The following PRKN variants were observed in gnomAD, a reference collection of about 807,000 sequenced individuals.
PRKN encodes the protein parkin RBR E3 ubiquitin protein ligase.
Under a neutral mutation model 59.5 loss-of-function variants are expected in PRKN, and 56 were observed. The ratio of observed to expected loss-of-function variants is 0.94; its 90% CI spans 0.76 to 1.18. The LOEUF is 1.18. Among genes scored for constraint, PRKN ranks in the 50% most tolerant of loss-of-function variants. The pLI, the probability that PRKN is intolerant of heterozygous loss-of-function variation, is 0.00. For synonymous variants in PRKN, 250 were observed against 222.1 expected (o/e 1.13, Z -1.12); for missense variants, 657 against 596.4 (o/e 1.10, Z -1.06).
chr6:161,637,147 G>C (rs926333984), intron 7 of PRKN, among the ~76,000 whole-genome samples: 3 of 152,210 alleles, frequency 2.0e-5, no homozygotes, highest in African/African-American at 7.2e-5. Flanking sequence ...GAAATTGGAA[G>C]TGTGTCTGCT....
chr6:161,901,248 A>G (rs1777906361), intron 6 of PRKN, among the ~76,000 whole-genome samples: 1 of 152,072 alleles, frequency 6.6e-6, no homozygotes, highest in Admixed American at 6.6e-5. Flanking sequence ...TAATCAATAA[A>G]TTTAATAAGA....
chr6:162,302,246 T>C (rs1389328615), intron 2 of PRKN, among the ~76,000 whole-genome samples: 1 of 152,134 alleles, frequency 6.6e-6, no homozygotes, highest in Non-Finnish European at 1.5e-5. Flanking sequence ...CCAAGGTAGA[T>C]GCTCAACCTT....
At chr6:162,556,342 GGTGTGTGTGTGTGTGTGTGTGTGT>G (rs202002846) in intron 1 of PRKN, among the ~76,000 whole-genome samples, 4 of 57,306 alleles carry the variant, frequency 7.0e-5, no homozygotes, top group South Asian at 9.9e-4. Context: ...CTACTCAGCT[GGTGTGTGTGTGTGTGTGTGTGTGT>G]GTGTGTGTGT....
At chr6:161,404,472 G>T (rs1045012365) in intron 9 of PRKN, among the ~76,000 whole-genome samples, 1 of 152,126 alleles carries the variant, frequency 6.6e-6, no homozygotes, top group African/African-American at 2.4e-5. Context: ...TCATCAAGAC[G>T]CAAACAAGAC....
intron 6 of PRKN, among the ~76,000 whole-genome samples, chr6:161,917,679 T>C (rs1316394813): frequency 6.6e-6 from 1 of 152,214 alleles, no homozygotes; most frequent in Non-Finnish European, 1.5e-5. Flanking sequence ...TTACAACATT[T>C]AGGCACACAA....
At chr6:161,782,329 A>G (rs1044081556) in intron 7 of PRKN, among the ~76,000 whole-genome samples, 13 of 152,278 alleles carry the variant, frequency 8.5e-5, no homozygotes, top group African/African-American at 3.1e-4. Flanking sequence ...TGTATAATCT[A>G]CTTTCTACTT....
At chr6:162,361,772 T>C (rs1402569750) in intron 2 of PRKN, among the ~76,000 whole-genome samples, 3 of 152,206 alleles carry the variant, frequency 2.0e-5, no homozygotes, top group South Asian at 2.1e-4. Flanking sequence ...AAAGGAATTA[T>C]AGTGTTAATA....
intron 7 of PRKN, among the ~76,000 whole-genome samples, chr6:161,652,707 G>A (rs6931101): frequency 0.5 from 76,102 of 152,046 alleles, 21,967 homozygotes; most frequent in African/African-American, 0.81. Context: ...TTCTAATGGA[G>A]AAGATAATGT....
At chr6:162,618,703 CTATT>C (rs1782532160) in intron 1 of PRKN, among the ~76,000 whole-genome samples, 2 of 152,152 alleles carry the variant, frequency 1.3e-5, no homozygotes, top group African/African-American at 2.4e-5. Flanking sequence ...TCAGAAATTC[CTATT>C]TATTTCCAGT....
At chr6:162,666,118 G>C (rs1779091291) in intron 1 of PRKN, among the ~76,000 whole-genome samples, 1 of 152,052 alleles carries the variant, frequency 6.6e-6, no homozygotes, top group Non-Finnish European at 1.5e-5. Flanking sequence ...CAGGACATAG[G>C]CATGGGCAAA....
intron 7 of PRKN, among the ~76,000 whole-genome samples, chr6:161,732,049 A>T (rs1340810882): frequency 6.6e-6 from 1 of 151,818 alleles, no homozygotes; most frequent in African/African-American, 2.4e-5. Context: ...TTCATCACCC[A>T]AGTACTAAGC....
At chr6:162,392,717 T>C (rs1342856832) in intron 2 of PRKN, among the ~76,000 whole-genome samples, 2 of 152,214 alleles carry the variant, frequency 1.3e-5, no homozygotes, top group African/African-American at 4.8e-5. Flanking sequence ...TAATGTTACA[T>C]TGATGCCATA....
chr6:161,404,939 T>C (rs553884527), intron 9 of PRKN, among the ~76,000 whole-genome samples: 2 of 152,268 alleles, frequency 1.3e-5, no homozygotes, highest in African/African-American at 4.8e-5. Context: ...AGCAGAAAAG[T>C]ATATGTTTCT....
chr6:161,587,336 T>G (rs1781556304), intron 7 of PRKN, among the ~76,000 whole-genome samples: 1 of 152,188 alleles, frequency 6.6e-6, no homozygotes, highest in Non-Finnish European at 1.5e-5. Flanking sequence ...GCAATGAAAA[T>G]ACAATAGATC....
At chr6:162,393,883 G>C (rs991499998) in intron 2 of PRKN, among the ~76,000 whole-genome samples, 1 of 152,102 alleles carries the variant, frequency 6.6e-6, no homozygotes, top group Non-Finnish European at 1.5e-5. Flanking sequence ...TATACTGGTA[G>C]CTCAAATAAA....
chr6:162,192,513 C>T (rs1784325607), intron 4 of PRKN, among the ~76,000 whole-genome samples: 1 of 120,782 alleles, frequency 8.3e-6, no homozygotes, highest in African/African-American at 3.3e-5. Flanking sequence ...AATGTGGTGG[C>T]ATGATCATGG....
intron 7 of PRKN, among the ~76,000 whole-genome samples, chr6:161,617,814 G>A (rs903606088): frequency 2.0e-5 from 3 of 152,236 alleles, no homozygotes; most frequent in Non-Finnish European, 4.4e-5. Flanking sequence ...ACAATCCCAG[G>A]AAGCCAGTGC....
At position 161,588,425 on chromosome 6, in the gene PRKN, T is replaced by C. The variant is rs1781597107; in HGVS notation, c.872-19009A>G. ...TTACTCTATGGGTATCAATAATCAA[T>C]GTGTTATTCTAACTCATTCTGTGCC... On this transcript the variant is annotated intron_variant, in intron 7 of 11. Transcript: ENST00000366898. This position sits in a 1 kb window ranked among gnomAD's most constrained non-coding sequence, Gnocchi z 5.0. 1.3e-5 allele frequency among the ~76,000 whole-genome samples: 2 copies of C among 152,110 alleles called. No homozygotes were observed. Among genetic ancestry groups the C allele is most frequent in the African/African-American group, 4.8e-5 (2 of 41,410 alleles).
At chr6:161,535,824 A>C (rs1238661963) in intron 9 of PRKN, among the ~76,000 whole-genome samples, 1 of 152,178 alleles carries the variant, frequency 6.6e-6, no homozygotes, top group Non-Finnish European at 1.5e-5. Context: ...CAGACATTTT[A>C]TGAGAGAGAG....
Sources: gnomAD v4.1 joint callset for allele counts (sites outside exome capture counted in the v4.1 genomes callset) on GRCh38, gnomAD v4.1.1 for gene constraint, Gnocchi (gnomAD v3.1) non-coding constraint, MANE v1.5 for transcripts, NCBI Gene and HGNC (gene_info 2026-07-23, HGNC 2026-07-21) for gene names.